PARVA: variants seen among roughly 807,000 people sequenced by gnomAD.
The protein encoded by PARVA is parvin alpha.
In PARVA, 25 loss-of-function variants were observed where a neutral mutation model predicts 52.6. The observed-to-expected ratio is 0.48, with a 90% CI of 0.35 to 0.66. PARVA has a LOEUF of 0.66. PARVA is among the 30% of genes least tolerant of loss of function. PARVA has a pLI of 0.01. For synonymous variants in PARVA, 185 were observed against 179.1 expected (o/e 1.03, Z -0.26); for missense variants, 373 against 450.9 (o/e 0.83, Z 1.56).
intron 1 of PARVA, among the ~76,000 whole-genome samples, chr11:12,447,047 A>C (rs777231144): frequency 3.3e-5 from 5 of 152,174 alleles, no homozygotes; most frequent in Non-Finnish European, 4.4e-5. Flanking sequence ...ACTGATGAGC[A>C]TGCCCAGGCA....
intron 1 of PARVA, among the ~76,000 whole-genome samples, chr11:12,390,306 G>A (rs1939639219): frequency 6.6e-6 from 1 of 152,218 alleles, no homozygotes; most frequent in South Asian, 2.1e-4. Flanking sequence ...TGGGGATGGG[G>A]AAGGAGAGAG....
intron 12 of PARVA, 97 bp downstream of exon 12, chr11:12,518,614 G>A (rs1941600335): frequency 1.1e-6 from 1 of 887,168 alleles, no homozygotes; most frequent in Admixed American, 2.0e-5. Context: ...ATTTTCTGAA[G>A]CCTTCGTTGC....
chr11:12,437,686 C>T (rs1236812603), intron 1 of PARVA, among the ~76,000 whole-genome samples: 3 of 152,138 alleles, frequency 2.0e-5, no homozygotes, highest in Non-Finnish European at 4.4e-5. Flanking sequence ...CAAGGCTGTG[C>T]TTAGTGTCCA....
chr11:12,410,707 T>A (rs1458011181), intron 1 of PARVA, among the ~76,000 whole-genome samples: 1 of 152,068 alleles, frequency 6.6e-6, no homozygotes, highest in African/African-American at 2.4e-5. Context: ...TCTGACCTAG[T>A]TCCTCCTCCA....
chr11:12,377,357 C>G, upstream of PARVA: 1 of 1,263,336 alleles, frequency 7.9e-7, no homozygotes, highest in Non-Finnish European at 1.0e-6. Context: ...TGGGCACACA[C>G]GTCCTCCTGT....
At position 12,531,389 on chromosome 11, in the gene PARVA, G is replaced by T. The variant is rs987981010; in HGVS notation, c.*3464G>T. 1.2e-4 allele frequency among the ~76,000 whole-genome samples: 18 copies of T among 152,112 alleles called. No homozygotes were observed. The highest frequency in any genetic ancestry group is 3.6e-4 in the African/African-American group (15 of 41,412). On this transcript the variant is annotated 3_prime_UTR_variant, in exon 13 of 13. Coordinates refer to ENST00000334956, the MANE Select transcript of PARVA (RefSeq NM_018222.5). ...GTTAACCCTACAGAGTATACTTGAAGCTTATTTGCATCAACAGTATTCTGG... is the reference window on the plus strand; with the variant it reads ...GTTAACCCTACAGAGTATACTTGAATCTTATTTGCATCAACAGTATTCTGG...
intron 1 of PARVA, among the ~76,000 whole-genome samples, chr11:12,424,485 A>G (rs1485487409): frequency 1.3e-5 from 2 of 152,244 alleles, no homozygotes; most frequent in Non-Finnish European, 2.9e-5. Flanking sequence ...ACTTCTGGCT[A>G]TTCAAATTTA....
Position 12,496,537 on chromosome 11 carries a change from C to T in PARVA, c.480C>T (p.Val160=), listed in dbSNP as rs1037696109. The change falls in exon 5 of 13, where the codon GTC becomes GTT. Residue 160 remains valine, a synonymous_variant. Transcript: ENST00000334956. Reference sequence around the variant, plus strand: ...CTCAGAAGCAAAAACTGCAGACTGTCCTGGAGAAGATCAATGAAACCCTGA... The same window carrying T: ...CTCAGAAGCAAAAACTGCAGACTGTTCTGGAGAAGATCAATGAAACCCTGA... ...EIAQKQKLQT[V]LEKINETLKL... 1.2e-6 allele frequency: 2 copies of T among 1,611,152 alleles called. No individual in the cohort carries two copies. The highest frequency in any genetic ancestry group is 1.1e-5 in the South Asian group (1 of 90,026).
In PARVA at chr11:12,528,882, T is replaced by G. The variant is rs1941737521; in HGVS notation, c.*957T>G. ...TGGGAAGGATTTTGTTTAGAATTAA[T>G]GGAGTGGCACATTTTGCAGCCTTTT... On this transcript the variant is annotated 3_prime_UTR_variant, in exon 13 of 13. Coordinates refer to ENST00000334956, the MANE Select transcript of PARVA (RefSeq NM_018222.5). The G allele has an allele frequency of 6.6e-6, 1 of 152,662 alleles. No homozygotes were observed. The highest frequency in any genetic ancestry group is 1.5e-5 in the Non-Finnish European group (1 of 68,038). The allele number at this position is 152,662 out of a possible 1,614,324, so 9.5% of individuals were successfully genotyped here.
chr11:12,466,955 T>G (rs1589968520), intron 1 of PARVA, among the ~76,000 whole-genome samples: 1 of 152,208 alleles, frequency 6.6e-6, no homozygotes, highest in Non-Finnish European at 1.5e-5. Flanking sequence ...GAGATTAACA[T>G]TGAATCTATA....
At chr11:12,454,577 A>T (rs974337005) in intron 1 of PARVA, among the ~76,000 whole-genome samples, 1 of 73,980 alleles carries the variant, frequency 1.4e-5, no homozygotes, top group Admixed American at 1.2e-4. Context: ...AGTATCATTT[A>T]AAAAAAAAAA....
intron 5 of PARVA, among the ~76,000 whole-genome samples, chr11:12,503,263 C>A (rs933935): frequency 1.8e-3 from 275 of 152,232 alleles, no homozygotes; most frequent in Middle Eastern, 6.8e-3. Flanking sequence ...AGCCCTGAAC[C>A]AAGGAAGAGA....
intron 7 of PARVA, among the ~76,000 whole-genome samples, chr11:12,510,558 A>C (rs913242920): frequency 3.5e-5 from 5 of 144,838 alleles, no homozygotes; most frequent in African/African-American, 1.3e-4. Context: ...GACATACCCA[A>C]AACTGGGAAT....
intron 1 of PARVA, among the ~76,000 whole-genome samples, chr11:12,425,608 A>G (rs528432059): frequency 6.6e-6 from 1 of 152,182 alleles, no homozygotes; most frequent in East Asian, 1.9e-4. Flanking sequence ...GTTTCCCTTA[A>G]GTGTGCCTTC....
intron 5 of PARVA, among the ~76,000 whole-genome samples, chr11:12,500,961 T>C (rs1941356208): frequency 6.7e-6 from 1 of 150,036 alleles, no homozygotes; most frequent in African/African-American, 2.5e-5. Flanking sequence ...GCACAAAAAT[T>C]GCCAGGTATG....
intron 4 of PARVA, among the ~76,000 whole-genome samples, chr11:12,487,434 C>T (rs181477318): frequency 5.3e-5 from 8 of 152,292 alleles, no homozygotes; most frequent in African/African-American, 1.7e-4. Flanking sequence ...CTGAGCTATT[C>T]AATTCAGCAA....
At chr11:12,508,111 A>C (rs1273988053) in intron 6 of PARVA, among the ~76,000 whole-genome samples, 11 of 128,234 alleles carry the variant, frequency 8.6e-5, no homozygotes, top group Admixed American at 2.2e-4. Flanking sequence ...AAAAAAAAAA[A>C]AAAAAAAAAA....
chr11:12,462,398 C>G (rs1378390957), intron 1 of PARVA, among the ~76,000 whole-genome samples: 1 of 152,036 alleles, frequency 6.6e-6, no homozygotes. Flanking sequence ...TGAGCCTTGC[C>G]CCCACTGCTG....
At chr11:12,512,285 G>A (rs1412672549) in intron 8 of PARVA, among the ~76,000 whole-genome samples, 1 of 152,214 alleles carries the variant, frequency 6.6e-6, no homozygotes, top group Non-Finnish European at 1.5e-5. Flanking sequence ...TCTAGAGACT[G>A]TCTTCTCTTT....
Sources: allele counts gnomAD v4.1 joint callset (sites outside exome capture counted in the v4.1 genomes callset), GRCh38; gene constraint gnomAD v4.1.1; transcripts MANE v1.5; gene names NCBI Gene and HGNC (gene_info 2026-07-23, HGNC 2026-07-21).